HS2ST1: variants seen among roughly 807,000 people sequenced by gnomAD.
HS2ST1 encodes the protein 2-O-sulfotransferase.
A neutral mutation model predicts 42.9 loss-of-function variants in HS2ST1; 18 were observed. The ratio of observed to expected loss-of-function variants is 0.42; its 90% CI spans 0.29 to 0.62. The LOEUF is 0.62. Among genes scored for constraint, HS2ST1 ranks in the 20% least tolerant of loss-of-function variants. The pLI, the probability that HS2ST1 is intolerant of heterozygous loss-of-function variation, is 0.21. For synonymous variants in HS2ST1, 146 were observed against 152.9 expected, an observed-to-expected ratio of 0.95 and a Z score of 0.33; for missense variants, 334 against 433.8, an observed-to-expected ratio of 0.77 and a Z score of 2.04.
intron 1 of HS2ST1, among the ~76,000 whole-genome samples, chr1:86,923,789 C>T (rs1660354328): frequency 6.6e-6 from 1 of 152,108 alleles, no homozygotes; most frequent in South Asian, 2.1e-4. Context: ...ATTCAGTTAC[C>T]TCCCACCAGG....
Position 87,058,712 on chromosome 1 carries a change from C to T in HS2ST1, c.125-14222C>T, listed in dbSNP as rs141196878. On this transcript the variant is annotated intron_variant, in intron 1 of 6. Coordinates refer to ENST00000370550, the MANE Select transcript of HS2ST1 (RefSeq NM_012262.4). ...AATTCATATCTCTGAGTCTAAATTC[C>T]GTAATGTTACCATATAGGATTATTG... Among the ~76,000 whole-genome samples the T allele has an allele frequency of 5.5e-3, 836 of 151,552 alleles. 23 individuals carry two copies. The highest frequency in any genetic ancestry group is 0.024 in the Middle Eastern group (7 of 294).
chr1:87,107,014 C>CA lies in HS2ST1; in HGVS notation c.*2322dup, dbSNP rs1184953664. 1 of 152,046 alleles carries CA rather than the reference C, an allele frequency of 6.6e-6. No homozygotes were observed. The highest frequency in any genetic ancestry group is 1.5e-5 in the Non-Finnish European group (1 of 67,922). The allele number at this position is 152,046 out of a possible 1,614,324, so 9.4% of individuals were successfully genotyped here. A position where few individuals can be genotyped will look rare whatever the true frequency, so the allele number is the denominator to read the frequency against. On this transcript the variant is annotated 3_prime_UTR_variant, in exon 7 of 7. Coordinates refer to ENST00000370550, the MANE Select transcript of HS2ST1 (RefSeq NM_012262.4). The stretch of plus-strand genomic sequence containing the variant: ...GCTAGTCAACCCTGCCATTTTACCA[C>CA]AAAAGCAGCAATAGACATTATGTAA...
chr1:87,026,676 T>TAGGTAGAC (rs574224509), intron 1 of HS2ST1, among the ~76,000 whole-genome samples: 3 of 152,148 alleles, frequency 2.0e-5, no homozygotes, highest in Non-Finnish European at 4.4e-5. Flanking sequence ...TTCATTGGCA[T>TAGGTAGAC]TTCACAGGTA....
At chr1:86,974,654 G>T (rs1648340381) in intron 1 of HS2ST1, among the ~76,000 whole-genome samples, 1 of 152,180 alleles carries the variant, frequency 6.6e-6, no homozygotes, top group African/African-American at 2.4e-5. Context: ...TGTGGGTTCT[G>T]CACTAACTCT....
chr1:87,005,463 A>G (rs182345613), intron 1 of HS2ST1, among the ~76,000 whole-genome samples: 2 of 152,324 alleles, frequency 1.3e-5, no homozygotes, highest in Non-Finnish European at 2.9e-5. Flanking sequence ...AACTACAATA[A>G]AAGACAAAAT....
chr1:87,109,458 A>G lies in HS2ST1; in HGVS notation c.*4762A>G, dbSNP rs1416817876. 4 of 152,140 alleles carry G rather than the reference A, an allele frequency of 2.6e-5. No individual in the cohort carries two copies. Among genetic ancestry groups the G allele is most frequent in the African/African-American group, 9.6e-5 (4 of 41,456 alleles). The allele number at this position is 152,140 out of a possible 1,614,324, so 9.4% of individuals were successfully genotyped here. ...ATACTTAATTAGAAGAAAAAAATAG[A>G]GAAAGGGCTATTAGAATTAAAAAAA... On this transcript the variant is annotated 3_prime_UTR_variant, in exon 7 of 7. Coordinates refer to ENST00000370550, the MANE Select transcript of HS2ST1 (RefSeq NM_012262.4).
At chr1:86,974,741 C>A (rs1298463140) in intron 1 of HS2ST1, among the ~76,000 whole-genome samples, 2 of 152,068 alleles carry the variant, frequency 1.3e-5, no homozygotes, top group African/African-American at 4.8e-5. Flanking sequence ...TATGGAAAAC[C>A]CACACATTAA....
At position 86,915,061 on chromosome 1, in the gene HS2ST1, C is replaced by T. The variant is rs1660111454; in HGVS notation, c.25C>T (p.Pro9Ser). The stretch of plus-strand genomic sequence containing the variant: ...CATGGGGCTCCTCAGGATTATGATG[C>T]CGCCCAAGTTGCAGCTGCTGGCGGT... MGLLRIMMPPKLQLLAVVA... is the reference protein window; with the variant it reads MGLLRIMMSPKLQLLAVVA... The change falls in exon 1 of 7, where the codon CCG (proline) becomes TCG (serine). Residue 9 changes from proline (P) to serine (S), a missense_variant. Pro to Ser is a moderately conservative substitution (Grantham distance 74). Transcript: ENST00000370550. The T allele has an allele frequency of 1.2e-6, 2 of 1,614,044 alleles. No individual in the cohort carries two copies. Among genetic ancestry groups the T allele is most frequent in the Admixed American group, 1.7e-5 (1 of 60,016 alleles).
intron 1 of HS2ST1, among the ~76,000 whole-genome samples, chr1:86,943,454 C>G (rs1322664143): frequency 6.6e-6 from 1 of 152,142 alleles, no homozygotes; most frequent in Admixed American, 6.6e-5. Flanking sequence ...CAGTGCCCCA[C>G]GCCTTTAATC....
chr1:86,934,322 A>G (rs1660600274), intron 1 of HS2ST1: 1 of 152,166 alleles, frequency 6.6e-6, no homozygotes, highest in Admixed American at 6.5e-5. Context: ...TGGAAGCTAG[A>G]GGGAATTTTT....
chr1:87,096,765 C>T (rs980945535), intron 4 of HS2ST1, among the ~76,000 whole-genome samples: 35 of 152,152 alleles, frequency 2.3e-4, no homozygotes, highest in Admixed American at 2.0e-3. Flanking sequence ...GCTGAGAACC[C>T]GTGGGATATC....
At chr1:86,925,512 A>G (rs1221662882) in intron 1 of HS2ST1, among the ~76,000 whole-genome samples, 1 of 151,294 alleles carries the variant, frequency 6.6e-6, no homozygotes, top group Non-Finnish European at 1.5e-5. Context: ...AAACCTCACA[A>G]TCATGGTGGA....
intron 1 of HS2ST1, among the ~76,000 whole-genome samples, chr1:86,974,291 C>T (rs1015764685): frequency 2.4e-4 from 36 of 152,104 alleles, no homozygotes; most frequent in Admixed American, 2.4e-3. Flanking sequence ...ATTATACCTA[C>T]ATGATGAATG....
intron 1 of HS2ST1, among the ~76,000 whole-genome samples, chr1:86,959,263 G>A (rs2102195159): frequency 6.6e-6 from 1 of 152,210 alleles, no homozygotes; most frequent in African/African-American, 2.4e-5. Flanking sequence ...GAAAATAAAA[G>A]GTATACCGAT....
rs182976230 is a variant in HS2ST1, at chr1:86,924,485, C to T, written c.124+9325C>T. ...TCCACACTGCCCTAGCAGAGGTTCT[C>T]CATGAGGGCCCCGCCCCACAGCAAA... On this transcript the variant is annotated intron_variant, in intron 1 of 6. Coordinates refer to ENST00000370550, the MANE Select transcript of HS2ST1 (RefSeq NM_012262.4). Among the ~76,000 whole-genome samples the T allele has an allele frequency of 2.0e-5, 3 of 152,342 alleles. No homozygotes were observed. In the East Asian group the frequency reaches 5.8e-4, roughly 29 times the overall value.
rs1178437315 is a variant in HS2ST1 at position 87,068,521 on chromosome 1, C to A, written c.125-4413C>A. Reference sequence around the variant, plus strand: ...TCTGCAAACAGAGACAATATGACTTCCTCTTTTCCTAATTGAATACCCTTT... The same window carrying A: ...TCTGCAAACAGAGACAATATGACTTACTCTTTTCCTAATTGAATACCCTTT... On this transcript the variant is annotated intron_variant, in intron 1 of 6. Transcript: ENST00000370550. 2.0e-5 allele frequency among the ~76,000 whole-genome samples: 3 copies of A among 152,170 alleles called. No homozygotes were observed. In the East Asian group the frequency reaches 5.8e-4, roughly 29 times the overall value.
intron 1 of HS2ST1, among the ~76,000 whole-genome samples, chr1:87,054,502 C>G (rs542854832): frequency 6.6e-6 from 1 of 152,296 alleles, no homozygotes; most frequent in South Asian, 2.1e-4. Context: ...AGAAAGTTCT[C>G]TTATGTCCTC....
At chr1:86,993,043 G>A in intron 1 of HS2ST1, 1 of 1,575,522 alleles carries the variant, frequency 6.3e-7, no homozygotes. Context: ...AGAGTCTTAT[G>A]ACTGGCATCA....
rs571747058 is a variant in HS2ST1 at position 87,105,399 on chromosome 1, G to A, written c.*703G>A. ...CTGGGAAGATACTTCAAAGAATATTGAGATTGTCTGAAGTTTTAGTTAAGA... is the reference window on the plus strand; with the variant it reads ...CTGGGAAGATACTTCAAAGAATATTAAGATTGTCTGAAGTTTTAGTTAAGA... On this transcript the variant is annotated 3_prime_UTR_variant, in exon 7 of 7. Coordinates refer to ENST00000370550, the MANE Select transcript of HS2ST1 (RefSeq NM_012262.4). 6.6e-6 allele frequency: 1 copy of A among 152,560 alleles called. No homozygotes were observed. Among genetic ancestry groups the A allele is most frequent in the African/African-American group, 2.4e-5 (1 of 41,526 alleles). 9.5% of individuals were successfully genotyped at this position (152,560 alleles called of 1,614,324 possible).
Sources: gnomAD v4.1 joint callset for allele counts (sites outside exome capture counted in the v4.1 genomes callset) on GRCh38, gnomAD v4.1.1 for gene constraint, MANE v1.5 for transcripts, NCBI Gene and HGNC (gene_info 2026-07-23, HGNC 2026-07-21) for gene names.